MAST4: variants seen among roughly 807,000 people sequenced by gnomAD.
The protein encoded by MAST4 is microtubule associated serine/threonine kinase family member 4.
A neutral mutation model predicts 162.7 loss-of-function variants in MAST4; 89 were observed. The ratio of observed to expected loss-of-function variants is 0.55; its 90% CI spans 0.46 to 0.65. MAST4 has a LOEUF of 0.65. Among genes scored for constraint, MAST4 ranks in the 30% least tolerant of loss-of-function variants. MAST4 has a pLI of 0.00. For missense variants in MAST4, 3,153 were observed against 3,374.0 expected (o/e 0.93, Z 1.62); for synonymous variants, 1,479 against 1,361.1 (o/e 1.09, Z -1.91).
At chr5:67,108,730 T>G (rs1581589477) in intron 10 of MAST4, among the ~76,000 whole-genome samples, 1 of 152,296 alleles carries the variant, frequency 6.6e-6, no homozygotes, top group Admixed American at 6.5e-5. Flanking sequence ...GCTTTTAATT[T>G]GATGGCTTAA....
chr5:66,947,670 G>A (rs1744197230), intron 4 of MAST4, among the ~76,000 whole-genome samples: 1 of 152,138 alleles, frequency 6.6e-6, no homozygotes, highest in Non-Finnish European at 1.5e-5. Context: ...GACCTGCAAA[G>A]CATTTCCCCG....
chr5:67,165,572 C>T lies in MAST4; in HGVS notation c.6393C>T (p.Ser2131=). Residue 2131 remains serine, a synonymous_variant, in exon 29 of 29, where the codon AGC becomes AGT. Transcript: ENST00000403625. Reference sequence around the variant, plus strand: ...AGCAGCCTCTACAAAGGCATCCCAGCAGCATCCCTCCGCCCCCTCTGACGG... The same window carrying T: ...AGCAGCCTCTACAAAGGCATCCCAGTAGCATCCCTCCGCCCCCTCTGACGG... ...RKEQPLQRHP[S]SIPPPPLTAK... The T allele has an allele frequency of 6.2e-7, 1 of 1,613,936 alleles. No individual in the cohort carries two copies. The highest frequency in any genetic ancestry group is 8.5e-7 in the Non-Finnish European group (1 of 1,179,852).
At chr5:67,152,330 TGTG>T (rs1397418390) in intron 24 of MAST4, among the ~76,000 whole-genome samples, 1 of 152,230 alleles carries the variant, frequency 6.6e-6, no homozygotes, top group Non-Finnish European at 1.5e-5. Flanking sequence ...GGCTAATCCT[TGTG>T]GTGTCTTTTA....
chr5:66,986,953 T>C (rs1403609044), intron 4 of MAST4, among the ~76,000 whole-genome samples: 3 of 152,172 alleles, frequency 2.0e-5, no homozygotes, highest in Non-Finnish European at 4.4e-5. Flanking sequence ...TGCATGTACA[T>C]GTGTATGCTC....
rs116221024 is a variant in MAST4, at chr5:66,720,794, T to C, written c.364-38915T>C. 1.0e-3 allele frequency among the ~76,000 whole-genome samples: 152 copies of C among 152,302 alleles called. 1 individual carries two copies. The highest frequency in any genetic ancestry group is 3.6e-3 in the African/African-American group (149 of 41,568). ...TGGAATAATTTTTTATTTTCTTGTT[T>C]AATAATTTTTAAGGTGACTTTTTCT... is the stretch of plus-strand genomic sequence containing the variant. On this transcript the variant is annotated intron_variant, in intron 1 of 28. Transcript: ENST00000403625.
At chr5:66,641,324 T>C (rs1449734166) in intron 1 of MAST4, among the ~76,000 whole-genome samples, 26 of 152,136 alleles carry the variant, frequency 1.7e-4, no homozygotes, top group Admixed American at 1.4e-3. Context: ...GCTAATTTTT[T>C]GTATTTTATT....
intron 3 of MAST4, among the ~76,000 whole-genome samples, chr5:66,824,800 G>A (rs1030393307): frequency 3.9e-5 from 6 of 152,148 alleles, no homozygotes; most frequent in South Asian, 2.1e-4. Context: ...TACTGAATAC[G>A]TAGTCATTTG....
chr5:66,851,430 A>G (rs1329342650), intron 3 of MAST4, among the ~76,000 whole-genome samples: 1 of 152,236 alleles, frequency 6.6e-6, no homozygotes, highest in Non-Finnish European at 1.5e-5. Flanking sequence ...CTTAGTAACA[A>G]ATTTTTGTTA....
chr5:66,605,823 C>T (rs933109760), intron 1 of MAST4, among the ~76,000 whole-genome samples: 4 of 152,142 alleles, frequency 2.6e-5, no homozygotes, highest in African/African-American at 9.7e-5. Flanking sequence ...TGATTTTTCT[C>T]CTTAGAAACC....
At chr5:66,700,796 TATATACACAC>T (rs1749720920) in intron 1 of MAST4, among the ~76,000 whole-genome samples, 1 of 116,774 alleles carries the variant, frequency 8.6e-6, no homozygotes, top group Non-Finnish European at 1.8e-5. Context: ...TATATATATA[TATATACACAC>T]ACACACACAC....
chr5:66,972,377 A>T (rs926361528), intron 4 of MAST4, among the ~76,000 whole-genome samples: 15 of 152,200 alleles, frequency 9.9e-5, no homozygotes, highest in Admixed American at 5.2e-4. Flanking sequence ...ATAAAACATT[A>T]TGGAGATACC....
At chr5:66,707,614 C>T (rs1350646998) in intron 1 of MAST4, among the ~76,000 whole-genome samples, 1 of 152,140 alleles carries the variant, frequency 6.6e-6, no homozygotes, top group African/African-American at 2.4e-5. Context: ...GTCCTAATTT[C>T]CTCTTCTTAT....
chr5:66,833,731 A>G (rs1757769638), intron 3 of MAST4, among the ~76,000 whole-genome samples: 1 of 152,166 alleles, frequency 6.6e-6, no homozygotes, highest in Non-Finnish European at 1.5e-5. Context: ...TCTGTTCTGA[A>G]CTTGCTAATA....
intron 1 of MAST4, among the ~76,000 whole-genome samples, chr5:66,615,896 G>A (rs1222150264): frequency 6.6e-6 from 1 of 152,154 alleles, no homozygotes; most frequent in African/African-American, 2.4e-5. Context: ...CCTCCCATTT[G>A]CCTGCCCTCA....
chr5:66,997,518 A>G (rs187039073), intron 4 of MAST4, among the ~76,000 whole-genome samples: 238 of 146,556 alleles, frequency 1.6e-3, no homozygotes, highest in Non-Finnish European at 2.9e-3. Flanking sequence ...TGCAACCTCC[A>G]TCTCTGGGGT....
intron 26 of MAST4, among the ~76,000 whole-genome samples, chr5:67,156,561 G>A (rs1194012656): frequency 6.6e-6 from 1 of 152,242 alleles, no homozygotes; most frequent in East Asian, 1.9e-4. Flanking sequence ...ATCTGTGCAA[G>A]GCTTTGATGG....
intron 4 of MAST4, among the ~76,000 whole-genome samples, chr5:66,949,449 A>C (rs530440148): frequency 6.6e-6 from 1 of 152,260 alleles, no homozygotes; most frequent in Admixed American, 6.5e-5. Flanking sequence ...TTCACTCGGC[A>C]CTTCTTTTTC....
chr5:67,094,509 A>C (rs538855932), intron 6 of MAST4, among the ~76,000 whole-genome samples: 1 of 152,332 alleles, frequency 6.6e-6, no homozygotes, highest in Admixed American at 6.5e-5. Context: ...ATGACACTGC[A>C]ATCTTATTGA....
intron 4 of MAST4, among the ~76,000 whole-genome samples, chr5:66,942,653 A>G (rs1335839221): frequency 6.6e-6 from 1 of 152,108 alleles, no homozygotes; most frequent in Non-Finnish European, 1.5e-5. Context: ...GATTATTGGC[A>G]TACATGTGTA....
Sources: allele counts gnomAD v4.1 joint callset (sites outside exome capture counted in the v4.1 genomes callset), GRCh38; gene constraint gnomAD v4.1.1; transcripts MANE v1.5; gene names NCBI Gene and HGNC (gene_info 2026-07-23, HGNC 2026-07-21).